The following PDLIM2 variants were observed in gnomAD, a reference collection of about 807,000 sequenced individuals.
The protein encoded by PDLIM2 is PDZ and LIM domain protein 2.
A neutral mutation model predicts 54.1 loss-of-function variants in PDLIM2; 51 were observed. The observed-to-expected ratio is 0.94, with a 90% CI of 0.75 to 1.19. The LOEUF (loss-of-function observed/expected upper bound fraction) is 1.19, where lower values mean the gene tolerates loss of function less well. Ranked by LOEUF, PDLIM2 falls within the 50% of genes most tolerant of loss-of-function variation. PDLIM2 has a pLI of 0.00. For missense variants in PDLIM2, 912 were observed against 874.0 expected, an observed-to-expected ratio of 1.04 and a Z score of -0.55; for synonymous variants, 398 against 385.6, an observed-to-expected ratio of 1.03 and a Z score of -0.38.
At chr8:22,580,076 TAC>T (rs1305395939) in intron 1 of PDLIM2, 1 of 181,674 alleles carries the variant, frequency 5.5e-6, no homozygotes, top group African/African-American at 2.4e-5. Context: ...GCCAGTGACT[TAC>T]ACAGTCTGTA....
intron 7 of PDLIM2, 79 bp downstream of exon 6, chr8:22,589,453 G>A: frequency 6.5e-7 from 1 of 1,531,088 alleles, no homozygotes; most frequent in Non-Finnish European, 8.8e-7. Flanking sequence ...TTCCCCGAGA[G>A]GGATGGGGTC....
At chr8:22,584,916 C>T in intron 4 of PDLIM2, 26 bp downstream of exon 3, 1 of 1,614,014 alleles carries the variant, frequency 6.2e-7, no homozygotes, top group Non-Finnish European at 8.5e-7. Flanking sequence ...CCCCTGACAG[C>T]CTCAGCACCC....
intron 8 of PDLIM2, 78 bp from the exon 8 acceptor site, chr8:22,591,473 A>T: frequency 7.5e-7 from 1 of 1,328,890 alleles, no homozygotes; most frequent in Non-Finnish European, 1.1e-6. Flanking sequence ...GCTTTCCAAG[A>T]CCACCTCCTC....
intron 8 of PDLIM2, 96 bp from the exon 8 acceptor site, chr8:22,591,455 A>G: frequency 1.8e-6 from 2 of 1,092,358 alleles, no homozygotes; most frequent in East Asian, 2.4e-5. Context: ...GGTTTCTCTT[A>G]TAAGGGTGCT....
intron 8 of PDLIM2, 173 bp downstream of exon 7, chr8:22,589,914 G>A (rs575711173): frequency 2.4e-4 from 87 of 360,310 alleles, no homozygotes; most frequent in African/African-American, 2.1e-3. Context: ...AGGAGCTGAC[G>A]GTCCGGGAGG....
chr8:22,595,597 C>T (rs755520681), downstream of PDLIM2: 2 of 152,254 alleles, frequency 1.3e-5, no homozygotes, highest in Non-Finnish European at 2.9e-5. Context: ...CGAGGAGCGT[C>T]CCGTGAGTTC....
chr8:22,582,505 C>T (rs777158924), intron 3 of PDLIM2, among the ~76,000 whole-genome samples: 31 of 151,286 alleles, frequency 2.0e-4, no homozygotes, highest in Non-Finnish European at 1.6e-4. Context: ...GACCAGGGCT[C>T]GGGGGAGGTA....
At chr8:22,581,744 G>A (rs768408899) in intron 3 of PDLIM2, among the ~76,000 whole-genome samples, 8 of 152,236 alleles carry the variant, frequency 5.3e-5, no homozygotes, top group Admixed American at 1.3e-4. Flanking sequence ...AAAGGTGGGC[G>A]CCAGGCTGGG....
rs200868327 is a variant in PDLIM2, at chr8:22,593,881, G to A, written c.1780G>A (p.Ala594Thr). Residue 594 changes from alanine (A) to threonine (T), a missense_variant, in exon 10 of 10, where the codon GCA (alanine) becomes ACA (threonine). Coordinates refer to ENST00000308354, the Ensembl canonical transcript of PDLIM2. ...GAAGCATGCCCGCCAGCGCTACTCC[G>A]CACCTGCCACCCTCAGCTCTCGGGC... 3.5e-4 allele frequency: 545 copies of A among 1,550,574 alleles called. 7 individuals are homozygous for A. In the South Asian group the frequency reaches 5.4e-3, roughly 15 times the overall value.
intron 9 of PDLIM2, 101 bp from the exon 9 acceptor site, chr8:22,593,632 C>T (rs1800614459): frequency 4.1e-6 from 4 of 976,298 alleles, no homozygotes; most frequent in South Asian, 1.8e-5. Flanking sequence ...CTTTGGGCTC[C>T]ACCCAGGTCC....
At chr8:22,581,282 G>T in intron 2 of PDLIM2, 97 bp from the exon 2 acceptor site, 1 of 1,478,882 alleles carries the variant, frequency 6.8e-7, no homozygotes, top group South Asian at 1.3e-5. Context: ...AGGCCGGCCT[G>T]GGTCAAGCCA....
At chr8:22,594,775 AG>A (rs34612842), downstream of PDLIM2, 107 of 1,406,532 alleles carry the variant, frequency 7.6e-5, no homozygotes, top group Non-Finnish European at 9.6e-5. Flanking sequence ...ATTGATTTGG[AG>A]GGGGGAAAAA....
chr8:22,589,689 A>G (rs773084399), exon 8 of PDLIM2: 38 of 1,574,870 alleles, frequency 2.4e-5, no homozygotes, highest in Middle Eastern at 1.7e-4. Context: ...CGGCCCCCCG[A>G]CAGTCCAGCT....
At chr8:22,580,537 T>G (rs1800156698) in intron 1 of PDLIM2, 1 of 1,611,292 alleles carries the variant, frequency 6.2e-7, no homozygotes, top group African/African-American at 1.3e-5. Flanking sequence ...CCTCTCCTGC[T>G]GCCTTACAGT....
intron 2 of PDLIM2, 104 bp downstream of exon 1, chr8:22,580,801 A>T: frequency 8.1e-7 from 1 of 1,235,686 alleles, no homozygotes; most frequent in Non-Finnish European, 1.2e-6. Flanking sequence ...TTCTGGAGCT[A>T]GGGATCTGCT....
intron 3 of PDLIM2, among the ~76,000 whole-genome samples, chr8:22,582,163 C>T (rs1218832664): frequency 6.6e-6 from 1 of 152,286 alleles, no homozygotes; most frequent in South Asian, 2.1e-4. Flanking sequence ...ATCGGGAATG[C>T]CAGGAGATCC....
chr8:22,585,570 C>T (rs1421713634), intron 6 of PDLIM2, 171 bp downstream of exon 5: 13 of 451,248 alleles, frequency 2.9e-5, no homozygotes, highest in South Asian at 5.4e-5. Flanking sequence ...TGCTTCTGGT[C>T]GTGGGCCACC....
At chr8:22,589,657 C>A in exon 8 of PDLIM2, 1 of 1,589,548 alleles carries the variant, frequency 6.3e-7, no homozygotes, top group South Asian at 1.2e-5. Flanking sequence ...CAAGATGCTG[C>A]AGGAAAATCG....
At chr8:22,585,992 G>C (rs1013383690) in intron 6 of PDLIM2, among the ~76,000 whole-genome samples, 1 of 152,060 alleles carries the variant, frequency 6.6e-6, no homozygotes, top group Non-Finnish European at 1.5e-5. Flanking sequence ...CCCCCTTCCT[G>C]GGTGGTATTT....
Sources: gnomAD v4.1 joint callset for allele counts (sites outside exome capture counted in the v4.1 genomes callset) on GRCh38, gnomAD v4.1.1 for gene constraint, MANE v1.5 for transcripts, NCBI Gene and HGNC (gene_info 2026-07-23, HGNC 2026-07-21) for gene names.